SF3B4: variants seen among roughly 807,000 people sequenced by gnomAD.
The protein encoded by SF3B4 is SAP 49.
Under a neutral mutation model 34.3 loss-of-function variants are expected in SF3B4, and 3 were observed. That is an observed-to-expected ratio of 0.09 (90% CI 0.04 to 0.23). The LOEUF (loss-of-function observed/expected upper bound fraction) is 0.23, where lower values mean the gene tolerates loss of function less well. SF3B4 is among the 10% of genes least tolerant of loss of function. The pLI is 1.00. For missense variants in SF3B4, 283 were observed against 567.2 expected, an observed-to-expected ratio of 0.50 and a Z score of 5.09; for synonymous variants, 216 against 207.8, an observed-to-expected ratio of 1.04 and a Z score of -0.34.
At chr1:149,927,679 C>A (rs1189636807) in intron 1 of SF3B4, 47 bp downstream of exon 1, 1 of 1,548,276 alleles carries the variant, frequency 6.5e-7, no homozygotes, top group Admixed American at 2.0e-5. Flanking sequence ...GTAGTCGGGG[C>A]CTCCTAGCCA....
chr1:149,926,293 TC>T lies in SF3B4; in HGVS notation c.706+82del. The T allele has an allele frequency of 1.6e-6, 2 of 1,237,690 alleles. No homozygotes were observed. The highest frequency in any genetic ancestry group is 2.4e-5 in the East Asian group (1 of 42,376). The allele number at this position is 1,237,690 out of a possible 1,614,324, so 76.7% of individuals were successfully genotyped here. A position where few individuals can be genotyped will look rare whatever the true frequency, so the allele number is the denominator to read the frequency against. On this transcript the variant is annotated intron_variant, in intron 3 of 5. Coordinates refer to ENST00000271628, the MANE Select transcript of SF3B4 (RefSeq NM_005850.5). This position sits in a 1 kb window ranked among gnomAD's most constrained non-coding sequence, Gnocchi z 6.2. ...CAACTCACTGACTCAATGTCCCCTGTCCCCCTTTCAGACTTGTTTTCTTCTT... is the reference window on the plus strand; with the variant it reads ...CAACTCACTGACTCAATGTCCCCTGTCCCCTTTCAGACTTGTTTTCTTCTT...
chr1:149,923,573 C>T lies in SF3B4; in HGVS notation c.1244G>A (p.Arg415Gln). 6.4e-7 allele frequency: 1 copy of T among 1,557,128 alleles called. No homozygotes were observed. Among genetic ancestry groups the T allele is most frequent in the South Asian group, 1.2e-5 (1 of 81,314 alleles). The part of the protein sequence containing the change: ...RPTPRPPVPP[R>Q]GPLRGPLPQ ...AGGGAGAGGGCCTCGAAGTGGGCCTCGAGGGGGAACTGGTGGCCGGGGAGT... is the reference window on the plus strand; with the variant it reads ...AGGGAGAGGGCCTCGAAGTGGGCCTTGAGGGGGAACTGGTGGCCGGGGAGT... Residue 415 changes from arginine to glutamine, a missense_variant, in exon 6 of 6, where the codon CGA becomes CAA. This residue lies in a region of SF3B4 where 208 missense variants were observed against 292.6 expected (regional missense o/e 0.71). Transcript: ENST00000271628.
In SF3B4 at chr1:149,923,620, C is replaced by A. The variant is rs782240590; in HGVS notation, c.1197G>T (p.Gly399=). The A allele has an allele frequency of 6.5e-7, 1 of 1,537,612 alleles. No homozygotes were observed. The highest frequency in any genetic ancestry group is 2.5e-5 in the East Asian group (1 of 39,788). ...PRPPPYGYQR[G]PLPPPRPTPR... is the part of the protein sequence containing the mutation. ...GAGTGGGTCTGGGTGGAGGGAGAGG[C>A]CCCCGCTGGTAGCCATAGGGTGGGG... The change falls in exon 6 of 6, where the codon GGG becomes GGT. Residue 399 remains glycine, a synonymous_variant. Coordinates refer to ENST00000271628, the MANE Select transcript of SF3B4 (RefSeq NM_005850.5).
rs1400660859 is a variant in SF3B4, at chr1:149,926,001, G to T, written c.748C>A (p.Pro250Thr). ...GGTATCCCAGGTGGGAGGGCTCCAGGAGGTGGCACTGGGGGTGGGAAGGAG... is the reference window on the plus strand; with the variant it reads ...GGTATCCCAGGTGGGAGGGCTCCAGTAGGTGGCACTGGGGGTGGGAAGGAG... ...PGSFPPPVPPPGALPPGIPPA... is the reference protein window; with the variant it reads ...PGSFPPPVPPTGALPPGIPPA... The change falls in exon 4 of 6, where the codon CCT becomes ACT. Residue 250 changes from proline to threonine, a missense_variant. By Grantham distance (38) the Pro-to-Thr change is conservative (BLOSUM62 -1). Around this residue, in one of 4 missense-constraint regions of SF3B4, gnomAD observed 208 missense variants for 292.6 expected, o/e 0.71. Transcript: ENST00000271628. The surrounding 1 kb of genome is among the most constrained non-coding windows in gnomAD (Gnocchi z 6.2). 2 of 1,507,978 alleles carry T rather than the reference G, an allele frequency of 1.3e-6. No homozygotes were observed. Among genetic ancestry groups the T allele is most frequent in the South Asian group, 1.3e-5 (1 of 74,476 alleles). The allele number at this position is 1,507,978 out of a possible 1,614,324, so 93.4% of individuals were successfully genotyped here.
chr1:149,923,391 C>T lies in SF3B4; in HGVS notation c.*151G>A, dbSNP rs2092567201. On this transcript the variant is annotated 3_prime_UTR_variant, in exon 6 of 6. Transcript: ENST00000271628. ...GGACCAACATAAAAAAGAAATACCT[C>T]CTGTGGAAAAAGTTACATTAAAAAG... 1 of 594,210 alleles carries T rather than the reference C, an allele frequency of 1.7e-6. No individual in the cohort carries two copies. The highest frequency in any genetic ancestry group is 4.1e-5 in the Admixed American group (1 of 24,626). The allele number at this position is 594,210 out of a possible 1,614,324, so 36.8% of individuals were successfully genotyped here.
intron 1 of SF3B4, 154 bp downstream of exon 1, chr1:149,927,572 C>A: frequency 9.8e-7 from 1 of 1,024,630 alleles, no homozygotes; most frequent in Non-Finnish European, 1.4e-6. Flanking sequence ...TCAGCCAGCA[C>A]CCGGCCACCC....
In SF3B4 at chr1:149,923,661, T is replaced by A; in HGVS notation, c.1156A>T (p.Thr386Ser). ...PPPLMPPHGY[T>S]GPPRPPPYGY... ...TAGGGTGGGGGTCGTGGAGGGCCAG[T>A]GTATCCATGGGGGGGCATCAGTGGA... Residue 386 changes from threonine (T) to serine (S), a missense_variant, in exon 6 of 6, where the codon ACT becomes TCT. Physicochemically the swap from Thr to Ser is moderately conservative, Grantham distance 58 (BLOSUM62 1). Transcript: ENST00000271628. The A allele has an allele frequency of 6.6e-7, 1 of 1,526,370 alleles. No individual in the cohort carries two copies. The allele number at this position is 1,526,370 out of a possible 1,614,324, so 94.6% of individuals were successfully genotyped here.
At position 149,923,495 on chromosome 1, in the gene SF3B4, T is replaced by C. The variant is rs782650505; in HGVS notation, c.*47A>G. 4 of 1,468,258 alleles carry C rather than the reference T, an allele frequency of 2.7e-6. No homozygotes were observed. The African/African-American group carries it at 5.7e-5, about 21-fold the overall frequency. The allele number at this position is 1,468,258 out of a possible 1,614,324, so 91.0% of individuals were successfully genotyped here. On this transcript the variant is annotated 3_prime_UTR_variant, in exon 6 of 6. Transcript: ENST00000271628. ...CAGCATCTCTGATTGGTCCAAGGAA[T>C]AGAAAAGATATTGGGAAAATGTAAC...
rs2092572621 is a variant in SF3B4 at position 149,924,004 on chromosome 1, C to G, written c.924G>C (p.Gln308His). 6.5e-7 allele frequency: 1 copy of G among 1,546,584 alleles called. No homozygotes were observed. Among genetic ancestry groups the G allele is most frequent in the Non-Finnish European group, 8.7e-7 (1 of 1,155,560 alleles). The change falls in exon 5 of 6, where the codon CAG (glutamine) becomes CAC (histidine). Residue 308 changes from glutamine to histidine, a missense_variant. By Grantham distance (24) the Gln-to-His change is conservative (BLOSUM62 0). Coordinates refer to ENST00000271628, the MANE Select transcript of SF3B4 (RefSeq NM_005850.5). The part of the protein sequence containing the change: ...PGGMPHPGMS[Q>H]MQLAHHGPHG... ...GAGGGCCATGGTGTGCAAGCTGCAT[C>G]TGAGACATCCCTATGAAAATAAAAT...
intron 1 of SF3B4, chr1:149,927,497 GT>G: frequency 1.1e-5 from 8 of 750,826 alleles, no homozygotes; most frequent in South Asian, 1.9e-5. Context: ...TTGTGAGTGG[GT>G]TTTTTTGATT....
intron 1 of SF3B4, 86 bp from the exon 2 acceptor site, chr1:149,927,380 A>T: frequency 2.6e-6 from 4 of 1,545,506 alleles, no homozygotes; most frequent in Non-Finnish European, 3.5e-6. Flanking sequence ...GAACCCAACC[A>T]GGGGAACTGG....
At chr1:149,924,333 A>G (rs2092575057) in intron 4 of SF3B4, among the ~76,000 whole-genome samples, 1 of 152,058 alleles carries the variant, frequency 6.6e-6, no homozygotes, top group Non-Finnish European at 1.5e-5. Flanking sequence ...GCTACTCAGG[A>G]GGCTGAGGTG....
At position 149,923,462 on chromosome 1, in the gene SF3B4, A is replaced by T; in HGVS notation, c.*80T>A. 1 of 1,147,648 alleles carries T rather than the reference A, an allele frequency of 8.7e-7. No homozygotes were observed. Among genetic ancestry groups the T allele is most frequent in the East Asian group, 3.0e-5 (1 of 33,476 alleles). 71.1% of individuals were successfully genotyped at this position (1,147,648 alleles called of 1,614,324 possible). On this transcript the variant is annotated 3_prime_UTR_variant, in exon 6 of 6. Transcript: ENST00000271628. ...GAAAGGGATTAGTACCTTTGCCCCA[A>T]GGAGCTACAGCATCTCTGATTGGTC...
rs1553765566 is a variant in SF3B4, at chr1:149,923,469, A to G, written c.*73T>C. On this transcript the variant is annotated 3_prime_UTR_variant, in exon 6 of 6. Transcript: ENST00000271628. ...ATTAGTACCTTTGCCCCAAGGAGCT[A>G]CAGCATCTCTGATTGGTCCAAGGAA... 1 of 1,223,714 alleles carries G rather than the reference A, an allele frequency of 8.2e-7. No homozygotes were observed. The allele number at this position is 1,223,714 out of a possible 1,614,324, so 75.8% of individuals were successfully genotyped here.
Position 149,926,647 on chromosome 1 carries a change from G to C in SF3B4, c.435C>G (p.Ala145=), listed in dbSNP as rs782050947. ...DPDTGNSKGY[A]FINFASFDAS... ...CATCAAATGAAGCAAAATTAATAAA[G>C]GCATAACCTTTGGAGTTGCCTGTGT... The change falls in exon 3 of 6, where the codon GCC becomes GCG. Residue 145 remains alanine, a synonymous_variant. Transcript: ENST00000271628. This position sits in a 1 kb window ranked among gnomAD's most constrained non-coding sequence, Gnocchi z 6.2. The C allele has an allele frequency of 9.3e-6, 15 of 1,614,206 alleles. No individual in the cohort carries two copies. The highest frequency in any genetic ancestry group is 1.7e-4 in the Middle Eastern group (1 of 6,060).
chr1:149,926,281 C>T lies in SF3B4; in HGVS notation c.706+95G>A. 8.8e-7 allele frequency: 1 copy of T among 1,130,108 alleles called. No homozygotes were observed. Among genetic ancestry groups the T allele is most frequent in the Non-Finnish European group, 1.3e-6 (1 of 792,628 alleles). The allele number at this position is 1,130,108 out of a possible 1,614,324, so 70.0% of individuals were successfully genotyped here. A position where few individuals can be genotyped will look rare whatever the true frequency, so the allele number is the denominator to read the frequency against. The stretch of plus-strand genomic sequence containing the variant: ...TCCTCTTCCCATCAACTCACTGACT[C>T]AATGTCCCCTGTCCCCCTTTCAGAC... On this transcript the variant is annotated intron_variant, in intron 3 of 5. Transcript: ENST00000271628. The surrounding 1 kb of genome is among the most constrained non-coding windows in gnomAD (Gnocchi z 6.2).
rs1296524610 is a variant in SF3B4 at position 149,927,209 on chromosome 1, G to GACT, written c.117_119dup (p.Val40dup). On this transcript the variant is annotated inframe_insertion, in exon 2 of 6. Coordinates refer to ENST00000271628, the MANE Select transcript of SF3B4 (RefSeq NM_005850.5). The stretch of plus-strand genomic sequence containing the variant: ...CTCTATCCTTTGGCATGTGGGTGTT[G>GACT]ACTACTGGTCCAGCCTGGAGAAACA... 1 of 1,614,108 alleles carries GACT rather than the reference G, an allele frequency of 6.2e-7. No individual in the cohort carries two copies. Among genetic ancestry groups the GACT allele is most frequent in the Admixed American group, 1.7e-5 (1 of 60,030 alleles).
chr1:149,925,458 G>A (rs1553765858), intron 4 of SF3B4, among the ~76,000 whole-genome samples: 1 of 151,942 alleles, frequency 6.6e-6, no homozygotes, highest in Admixed American at 6.6e-5. Flanking sequence ...AAAAGCAAAA[G>A]CAAAAAGAGA....
chr1:149,923,417 G>C lies in SF3B4; in HGVS notation c.*125C>G. Reference sequence around the variant, plus strand: ...CTGTGGAAAAAGTTACATTAAAAAGGGGAATGGAGTGGGGGTGCTGAAAGG... The same window carrying C: ...CTGTGGAAAAAGTTACATTAAAAAGCGGAATGGAGTGGGGGTGCTGAAAGG... On this transcript the variant is annotated 3_prime_UTR_variant, in exon 6 of 6. Transcript: ENST00000271628. 1 of 679,982 alleles carries C rather than the reference G, an allele frequency of 1.5e-6. No individual in the cohort carries two copies. The highest frequency in any genetic ancestry group is 2.1e-5 in the South Asian group (1 of 46,840). The allele number at this position is 679,982 out of a possible 1,614,324, so 42.1% of individuals were successfully genotyped here. A position where few individuals can be genotyped will look rare whatever the true frequency, so the allele number is the denominator to read the frequency against.
Sources: gnomAD v4.1 joint callset for allele counts (sites outside exome capture counted in the v4.1 genomes callset) on GRCh38, gnomAD v4.1.1 for gene constraint, gnomAD v4.1.1 regional missense constraint, Gnocchi (gnomAD v3.1) non-coding constraint, MANE v1.5 for transcripts, NCBI Gene and HGNC (gene_info 2026-07-23, HGNC 2026-07-21) for gene names.